The following SYT17 variants were observed in gnomAD, a reference collection of about 807,000 sequenced individuals.
SYT17 encodes synaptotagmin-17.
Under a neutral mutation model 46.7 loss-of-function variants are expected in SYT17, and 22 were observed. That is an observed-to-expected ratio of 0.47 (90% CI 0.34 to 0.67). The LOEUF is 0.67. SYT17 is among the 30% of genes least tolerant of loss of function. The pLI is 0.01. For missense variants in SYT17, 519 were observed against 612.8 expected (o/e 0.85, Z 1.62); for synonymous variants, 251 against 248.4 (o/e 1.01, Z -0.10).
chr16:19,253,427 T>A (rs993929031), intron 7 of SYT17, among the ~76,000 whole-genome samples: 3 of 152,178 alleles, frequency 2.0e-5, no homozygotes, highest in South Asian at 4.2e-4. Context: ...TTTAATTAGC[T>A]AAGTGTGGTT....
At chr16:19,225,410 G>A (rs116002841) in intron 7 of SYT17, among the ~76,000 whole-genome samples, 5 of 152,036 alleles carry the variant, frequency 3.3e-5, no homozygotes, top group African/African-American at 1.2e-4. Flanking sequence ...ATTTTTCCAG[G>A]GTGTAATCTA....
chr16:19,224,943 T>C, intron 7 of SYT17, 105 bp downstream of exon 7: 1 of 1,342,850 alleles, frequency 7.4e-7, no homozygotes, highest in South Asian at 1.3e-5. Context: ...GAACGTAATG[T>C]CTGGCATTCA....
At chr16:19,172,898 A>T in intron 2 of SYT17, 121 bp downstream of exon 2, 1 of 1,240,122 alleles carries the variant, frequency 8.1e-7, no homozygotes, top group Non-Finnish European at 1.2e-6. Context: ...TGGTGTTAAT[A>T]ACGGCACAGT....
At chr16:19,179,357 C>G (rs1383783313) in intron 3 of SYT17, among the ~76,000 whole-genome samples, 1 of 151,946 alleles carries the variant, frequency 6.6e-6, no homozygotes, top group African/African-American at 2.4e-5. Flanking sequence ...CTCAAACTTT[C>G]GAGCTCAAGT....
chr16:19,223,646 G>C (rs2142871632), intron 6 of SYT17, among the ~76,000 whole-genome samples: 2 of 152,300 alleles, frequency 1.3e-5, no homozygotes, highest in East Asian at 1.9e-4. Flanking sequence ...TCTGCATGTT[G>C]CTTCTTCCAT....
At chr16:19,253,106 A>AT (rs1295209587) in intron 7 of SYT17, among the ~76,000 whole-genome samples, 2 of 152,192 alleles carry the variant, frequency 1.3e-5, no homozygotes, top group African/African-American at 4.8e-5. Context: ...CCACTTCCTG[A>AT]TTTTGTAAAT....
chr16:19,171,767 T>A (rs1315568399), intron 1 of SYT17: 1 of 152,178 alleles, frequency 6.6e-6, no homozygotes, highest in Non-Finnish European at 1.5e-5. Context: ...AGAAGGCAAC[T>A]AGAAGAATAA....
chr16:19,178,726 A>G (rs1308559598), intron 3 of SYT17, among the ~76,000 whole-genome samples: 1 of 152,200 alleles, frequency 6.6e-6, no homozygotes, highest in African/African-American at 2.4e-5. Context: ...GTTGGGGGGT[A>G]TGCAGCCTCG....
chr16:19,260,240 G>A lies in SYT17; in HGVS notation c.1229-6640G>A, dbSNP rs550458863. Among the ~76,000 whole-genome samples, 7 of 146,666 alleles carry A rather than the reference G, an allele frequency of 4.8e-5. No homozygotes were observed. The South Asian group carries it at 1.3e-3, about 27-fold the overall frequency. ...CGCAATGGCTCACACCTGTAATCCC[G>A]ACACTTTGAGAGGCCAAGGCGGGAA... is the stretch of plus-strand genomic sequence containing the variant. On this transcript the variant is annotated intron_variant, in intron 7 of 7. Coordinates refer to ENST00000355377, the MANE Select transcript of SYT17 (RefSeq NM_016524.4).
At chr16:19,174,942 AC>A (rs201512806) in intron 3 of SYT17, among the ~76,000 whole-genome samples, 3 of 150,972 alleles carry the variant, frequency 2.0e-5, no homozygotes, top group Non-Finnish European at 4.4e-5. Flanking sequence ...ACATAGTGAG[AC>A]CCCCCCCATG....
chr16:19,232,315 G>A (rs770066190), intron 7 of SYT17, among the ~76,000 whole-genome samples: 6 of 152,138 alleles, frequency 3.9e-5, no homozygotes, highest in Non-Finnish European at 8.8e-5. Flanking sequence ...AGAGAATATG[G>A]CGTCTCTATT....
At chr16:19,238,831 A>C (rs950563352) in intron 7 of SYT17, among the ~76,000 whole-genome samples, 8 of 152,186 alleles carry the variant, frequency 5.3e-5, no homozygotes, top group African/African-American at 1.9e-4. Context: ...CTCAGAAGCC[A>C]AGGCCAGCAC....
At chr16:19,255,174 C>A (rs1048215402) in intron 7 of SYT17, among the ~76,000 whole-genome samples, 1 of 152,132 alleles carries the variant, frequency 6.6e-6, no homozygotes. Context: ...GCTCCTTTAC[C>A]CTGTGAATCT....
intron 5 of SYT17, among the ~76,000 whole-genome samples, chr16:19,207,875 G>A (rs1458348679): frequency 6.6e-6 from 1 of 151,970 alleles, no homozygotes; most frequent in Non-Finnish European, 1.5e-5. Flanking sequence ...TCCAGCTTGG[G>A]TGACACAGTG....
At chr16:19,265,082 C>T (rs1482860421) in intron 7 of SYT17, among the ~76,000 whole-genome samples, 2 of 152,154 alleles carry the variant, frequency 1.3e-5, no homozygotes, top group African/African-American at 4.8e-5. Flanking sequence ...ATTTGAGGCT[C>T]ACAGGGAAGG....
chr16:19,176,008 C>T (rs1284413284), intron 3 of SYT17, among the ~76,000 whole-genome samples: 1 of 152,116 alleles, frequency 6.6e-6, no homozygotes, highest in Non-Finnish European at 1.5e-5. Context: ...CAGGTTGCCC[C>T]CTAGAGTTGT....
intron 1 of SYT17, 111 bp from the exon 2 acceptor site, chr16:19,172,649 T>TC (rs397717077): frequency 6.5e-7 from 1 of 1,549,676 alleles, no homozygotes; most frequent in African/African-American, 1.4e-5. Flanking sequence ...TTTTTTTTTT[T>TC]GTAAAATTTT....
At chr16:19,239,926 C>T (rs1203578513) in intron 7 of SYT17, among the ~76,000 whole-genome samples, 1 of 152,242 alleles carries the variant, frequency 6.6e-6, no homozygotes, top group Non-Finnish European at 1.5e-5. Flanking sequence ...CAGGCAGTTC[C>T]AGGTGCCAGC....
At chr16:19,264,301 CA>C (rs1262906869) in intron 7 of SYT17, among the ~76,000 whole-genome samples, 11 of 152,178 alleles carry the variant, frequency 7.2e-5, no homozygotes, top group Admixed American at 1.3e-4. Context: ...ATTATGTAAA[CA>C]AATGGGTTTG....
Sources: allele counts gnomAD v4.1 joint callset (sites outside exome capture counted in the v4.1 genomes callset), GRCh38; gene constraint gnomAD v4.1.1; transcripts MANE v1.5; gene names NCBI Gene and HGNC (gene_info 2026-07-23, HGNC 2026-07-21).